Variants in DKK4 observed in about 807,000 individuals in gnomAD.
DKK4 encodes dickkopf-related protein 4.
A neutral mutation model predicts 14.5 loss-of-function variants in DKK4; 15 were observed. The ratio of observed to expected loss-of-function variants is 1.03; its 90% confidence interval spans 0.69 to 1.59. The LOEUF (loss-of-function observed/expected upper bound fraction) is 1.59, where lower values mean the gene tolerates loss of function less well. Ranked by LOEUF, DKK4 falls within the 40% of genes most tolerant of loss-of-function variation. The probability of loss-of-function intolerance (pLI) is 0.00; values close to 1 mark genes in which losing one functional copy is unlikely to be tolerated. For synonymous variants in DKK4, 89 were observed against 105.2 expected (o/e 0.85, Z 0.94); for missense variants, 272 against 280.3 (o/e 0.97, Z 0.21).
At chr8:42,385,656 A>G in the DKK4 span, among the ~76,000 whole-genome samples, 4 of 151,934 alleles carry the variant, frequency 2.6e-5, no homozygotes, top group Admixed American at 2.6e-4. Context: ...GTGCACATTC[A>G]GAAGGCCCAG....
At chr8:42,375,244 C>T (rs1290813419) in intron 2 of DKK4, among the ~76,000 whole-genome samples, 1 of 152,252 alleles carries the variant, frequency 6.6e-6, no homozygotes, top group South Asian at 2.1e-4. Context: ...TATTTTGTTT[C>T]ATTAAGAAAA....
chr8:42,375,977 G>T, intron 1 of DKK4, 147 bp from the exon 2 acceptor site: 1 of 1,104,080 alleles, frequency 9.1e-7, no homozygotes, highest in Non-Finnish European at 1.3e-6. Context: ...AGTGGAAATG[G>T]TTTTCTCCCA....
the DKK4 span, among the ~76,000 whole-genome samples, chr8:42,386,862 T>C: frequency 6.6e-6 from 1 of 152,222 alleles, no homozygotes; most frequent in Admixed American, 6.5e-5. Flanking sequence ...CTCAGGGTAA[T>C]TGAGCTATGA....
chr8:42,384,516 A>G, the DKK4 span, among the ~76,000 whole-genome samples: 1 of 152,022 alleles, frequency 6.6e-6, no homozygotes, highest in Non-Finnish European at 1.5e-5. Context: ...CTAGGTGTTG[A>G]GGTGTATCTG....
At chr8:42,388,569 T>G in the DKK4 span, among the ~76,000 whole-genome samples, 1 of 151,876 alleles carries the variant, frequency 6.6e-6, no homozygotes, top group Non-Finnish European at 1.5e-5. Context: ...ATTTAATTAA[T>G]TAATTAATTA....
chr8:42,379,726 T>C (rs1434694564), upstream of DKK4, among the ~76,000 whole-genome samples: 2 of 152,042 alleles, frequency 1.3e-5, no homozygotes, highest in African/African-American at 2.4e-5. Context: ...TATCCTCACC[T>C]GGGCTCAGAG....
In DKK4 at chr8:42,375,640, C is replaced by A. The variant is rs775610485; in HGVS notation, c.262+40G>T. On this transcript the variant is annotated intron_variant, in intron 2 of 3. Coordinates refer to ENST00000220812, the MANE Select transcript of DKK4 (RefSeq NM_014420.3). ...TCTAGTCTATGGGGCTTAGACACTA[C>A]CTTCGGTTTAAAAACCACTGTTGGC... is the stretch of plus-strand genomic sequence containing the variant. 14 of 1,610,586 alleles carry A rather than the reference C, an allele frequency of 8.7e-6. No individual in the cohort carries two copies. In the Admixed American group the frequency reaches 1.2e-4, roughly 13 times the overall value.
the DKK4 span, among the ~76,000 whole-genome samples, chr8:42,388,391 G>A: frequency 4.0e-5 from 6 of 151,318 alleles, no homozygotes; most frequent in Admixed American, 6.6e-5. Context: ...CACCATGCTC[G>A]GCTAATTTTT....
the DKK4 span, among the ~76,000 whole-genome samples, chr8:42,387,044 T>C: frequency 5.3e-5 from 8 of 152,358 alleles, no homozygotes; most frequent in East Asian, 1.5e-3. Flanking sequence ...CCTGGGCCTC[T>C]GCACTCAGAT....
chr8:42,388,322 C>G, the DKK4 span, among the ~76,000 whole-genome samples: 2,980 of 152,068 alleles, frequency 0.02, 105 homozygotes, highest in African/African-American at 0.069. Context: ...CTCTACCTCC[C>G]AGGTTCAAGC....
chr8:42,381,646 T>A (rs1824682300), upstream of DKK4, among the ~76,000 whole-genome samples: 1 of 152,166 alleles, frequency 6.6e-6, no homozygotes, highest in African/African-American at 2.4e-5. Flanking sequence ...TACGCCAGCC[T>A]GTCACAGCGC....
At chr8:42,374,653 A>C in intron 3 of DKK4, 108 bp downstream of exon 3, 2 of 1,467,260 alleles carry the variant, frequency 1.4e-6, no homozygotes, top group African/African-American at 2.8e-5. Context: ...ATGCTTCCTA[A>C]GTGTTTCTGG....
chr8:42,379,461 A>G (rs1373389914), upstream of DKK4, among the ~76,000 whole-genome samples: 1 of 146,560 alleles, frequency 6.8e-6, no homozygotes, highest in Non-Finnish European at 1.5e-5. Context: ...TGTATGGATG[A>G]CAGAGCCTGG....
upstream of DKK4, among the ~76,000 whole-genome samples, chr8:42,380,643 AGT>A (rs771244724): frequency 0.09 from 12,557 of 140,132 alleles, 930 homozygotes; most frequent in African/African-American, 0.25. Flanking sequence ...GAGGAAAGAA[AGT>A]GAGAGAAAGG....
In DKK4 at chr8:42,375,821, A is replaced by T. The variant is rs1251322062; in HGVS notation, c.121T>A (p.Cys41Ser). The change falls in exon 2 of 4, where the codon TGC becomes AGC. Residue 41 changes from cysteine (C) to serine (S), a missense_variant. By Grantham distance (112) the Cys-to-Ser change is moderately radical. Transcript: ENST00000220812. ...DLHGARKGSQCLSDTDCNTRK... is the reference protein window; with the variant it reads ...DLHGARKGSQSLSDTDCNTRK... ...GTATTGCAGTCCGTGTCAGACAGGCACTGTGAGCCCTGTGGAGGGAATCTG... is the reference window on the plus strand; with the variant it reads ...GTATTGCAGTCCGTGTCAGACAGGCTCTGTGAGCCCTGTGGAGGGAATCTG... 2 of 1,614,006 alleles carry T rather than the reference A, an allele frequency of 1.2e-6. No homozygotes were observed. The highest frequency in any genetic ancestry group is 1.7e-6 in the Non-Finnish European group (2 of 1,179,954).
chr8:42,382,820 A>G, the DKK4 span, among the ~76,000 whole-genome samples: 33,742 of 152,122 alleles, frequency 0.22, 7,486 homozygotes, highest in African/African-American at 0.57. Context: ...TTCTCAAAAA[A>G]AAATTTCCAG....
intron 2 of DKK4, 35 bp downstream of exon 2, chr8:42,375,645 G>C: frequency 1.2e-6 from 2 of 1,611,218 alleles, no homozygotes; most frequent in Non-Finnish European, 1.7e-6. Flanking sequence ...CACTACCTTC[G>C]GTTTAAAAAC....
the DKK4 span, among the ~76,000 whole-genome samples, chr8:42,387,820 C>T: frequency 1.3e-5 from 2 of 152,204 alleles, no homozygotes; most frequent in Non-Finnish European, 2.9e-5. Flanking sequence ...TCTGGATTAC[C>T]TGGGACTGGT....
At chr8:42,387,890 T>TA in the DKK4 span, among the ~76,000 whole-genome samples, 2 of 152,138 alleles carry the variant, frequency 1.3e-5, no homozygotes, top group Admixed American at 6.5e-5. Flanking sequence ...AAATTTCCAT[T>TA]AAAAAAATTT....
Sources: allele counts gnomAD v4.1 joint callset (sites outside exome capture counted in the v4.1 genomes callset), GRCh38; gene constraint gnomAD v4.1.1; transcripts MANE v1.5; gene names NCBI Gene and HGNC (gene_info 2026-07-23, HGNC 2026-07-21).